The following PXK variants were observed in gnomAD, a reference collection of about 807,000 sequenced individuals.
PXK encodes PX domain-containing protein kinase-like protein.
In PXK, 35 loss-of-function variants were observed where a neutral mutation model predicts 84.7. The observed-to-expected ratio is 0.41, with a 90% confidence interval of 0.32 to 0.55. The LOEUF is 0.55. Among genes scored for constraint, PXK ranks in the 20% least tolerant of loss-of-function variants. PXK has a pLI of 0.21. For synonymous variants in PXK, 253 were observed against 260.8 expected (o/e 0.97, Z 0.29); for missense variants, 634 against 699.7 (o/e 0.91, Z 1.06).
chr3:58,336,061 ATATATATATATTTTTT>A (rs2097590848), intron 1 of PXK, among the ~76,000 whole-genome samples: 2 of 57,892 alleles, frequency 3.5e-5, no homozygotes, highest in African/African-American at 2.1e-4. Context: ...ATATATATAT[ATATATATATATTTTTT>A]TTTTTTTTTT....
intron 17 of PXK, among the ~76,000 whole-genome samples, chr3:58,418,501 G>A (rs1198538706): frequency 5.3e-5 from 8 of 152,196 alleles, no homozygotes; most frequent in African/African-American, 1.9e-4. Flanking sequence ...CTTAAATACT[G>A]TTGTTGGCTG....
intron 1 of PXK, among the ~76,000 whole-genome samples, chr3:58,360,617 AG>A (rs1344191377): frequency 1.3e-5 from 2 of 152,096 alleles, no homozygotes; most frequent in Non-Finnish European, 2.9e-5. Flanking sequence ...AGATCACTTG[AG>A]TCCAGGAGTT....
Position 58,421,676 on chromosome 3 carries a change from A to T in PXK, c.1529-3076A>T, listed in dbSNP as rs1046261986. On this transcript the variant is annotated intron_variant, in intron 17 of 17. Coordinates refer to ENST00000356151, the MANE Select transcript of PXK (RefSeq NM_017771.5). The surrounding 1 kb of genome is among the most constrained non-coding windows in gnomAD (Gnocchi z 5.5). Reference sequence around the variant, plus strand: ...TGGCATTCCTCCCTAGATCTGACCTACGCTCTCCCTGCAGCATTCTCTGCC... The same window carrying T: ...TGGCATTCCTCCCTAGATCTGACCTTCGCTCTCCCTGCAGCATTCTCTGCC... The T allele has an allele frequency of 1.0e-6, 1 of 988,044 alleles. No homozygotes were observed. Among genetic ancestry groups the T allele is most frequent in the African/African-American group, 1.7e-5 (1 of 57,280 alleles). The allele number at this position is 988,044 out of a possible 1,614,324, so 61.2% of individuals were successfully genotyped here.
intron 13 of PXK, among the ~76,000 whole-genome samples, chr3:58,405,840 A>C (rs2059316704): frequency 6.6e-6 from 1 of 152,222 alleles, no homozygotes; most frequent in African/African-American, 2.4e-5. Context: ...ATGTCTCCCA[A>C]CAGGGAAAGC....
At chr3:58,378,025 G>A (rs531594960) in intron 3 of PXK, among the ~76,000 whole-genome samples, 9 of 152,278 alleles carry the variant, frequency 5.9e-5, no homozygotes, top group Admixed American at 1.3e-4. Context: ...TCCCATGTCC[G>A]TACAACTTAT....
chr3:58,410,220 GT>G, intron 16 of PXK, 61 bp downstream of exon 16: 2 of 1,331,112 alleles, frequency 1.5e-6, no homozygotes, highest in Non-Finnish European at 2.2e-6. Context: ...GGAGTCTCTA[GT>G]TGGTCAAGAG....
chr3:58,423,315 A>C, intron 17 of PXK: 3 of 1,444,066 alleles, frequency 2.1e-6, no homozygotes, highest in Non-Finnish European at 2.7e-6. Context: ...AAAACATAAC[A>C]ATTTCATTCA....
Position 58,332,920 on chromosome 3 carries a change from G to C in PXK, c.-69G>C. 2.9e-6 allele frequency: 3 copies of C among 1,024,422 alleles called. No homozygotes were observed. Among genetic ancestry groups the C allele is most frequent in the Non-Finnish European group, 3.8e-6 (3 of 797,442 alleles). The allele number at this position is 1,024,422 out of a possible 1,614,324, so 63.5% of individuals were successfully genotyped here. Reference sequence around the variant, plus strand: ...GACAGCGGCGGCGGTGGAACCGGGCGGGCGGCGGGAGTCGGCGCCTCGGGT... The same window carrying C: ...GACAGCGGCGGCGGTGGAACCGGGCCGGCGGCGGGAGTCGGCGCCTCGGGT... On this transcript the variant is annotated 5_prime_UTR_variant, in exon 1 of 18. Coordinates refer to ENST00000356151, the MANE Select transcript of PXK (RefSeq NM_017771.5). The surrounding 1 kb of genome is among the most constrained non-coding windows in gnomAD (Gnocchi z 5.6).
Position 58,409,611 on chromosome 3 carries a change from C to T in PXK, c.1388C>T (p.Ala463Val), listed in dbSNP as rs1265303140. The T allele has an allele frequency of 3.1e-6, 5 of 1,611,254 alleles. No individual in the cohort carries two copies. In the East Asian group the frequency reaches 6.7e-5, roughly 22 times the overall value. The change falls in exon 15 of 18, where the codon GCT (alanine) becomes GTT (valine). Residue 463 changes from alanine to valine, a missense_variant. Around this residue, in one of 3 missense-constraint regions of PXK, gnomAD observed 273 missense variants for 283.6 expected, o/e 0.96. Coordinates refer to ENST00000356151, the MANE Select transcript of PXK (RefSeq NM_017771.5). This position sits in a 1 kb window ranked among gnomAD's most constrained non-coding sequence, Gnocchi z 4.2. ...GAAAGAAAAAAAAGAAAGATTTTAG[C>T]TCGAAAGGTAAGCCTGCTGTCTCTC... is the stretch of plus-strand genomic sequence containing the variant. ...EEERKKRKIL[A>V]RKKSKRSALE...
In PXK at chr3:58,380,769, A is replaced by G. The variant is rs2098491384; in HGVS notation, c.202-1745A>G. Among the ~76,000 whole-genome samples the G allele has an allele frequency of 5.3e-5, 8 of 152,040 alleles. No homozygotes were observed. The South Asian group carries it at 1.7e-3, about 32-fold the overall frequency. On this transcript the variant is annotated intron_variant, in intron 3 of 17. Transcript: ENST00000356151. ...AGTTTGCTGCACTCCAGCCTGGGTG[A>G]CAGAGGGAGACTCTGTCTCAAAGTA...
chr3:58,417,616 A>C (rs1051591655), intron 17 of PXK, among the ~76,000 whole-genome samples: 9 of 152,164 alleles, frequency 5.9e-5, no homozygotes, highest in Non-Finnish European at 1.2e-4. Flanking sequence ...CTGTTTTTTC[A>C]GTAAGAACAT....
chr3:58,345,847 C>T (rs576448187), intron 1 of PXK, among the ~76,000 whole-genome samples: 4 of 152,282 alleles, frequency 2.6e-5, no homozygotes, highest in South Asian at 4.1e-4. Context: ...TAGCCTTTAA[C>T]GTATATATCC....
At chr3:58,336,592 G>A (rs532089866) in intron 1 of PXK, among the ~76,000 whole-genome samples, 1 of 152,304 alleles carries the variant, frequency 6.6e-6, no homozygotes, top group Admixed American at 6.5e-5. Context: ...CAGGTGAGTT[G>A]TGAGAAAATT....
chr3:58,372,115 A>T (rs540465570), intron 3 of PXK, among the ~76,000 whole-genome samples: 101 of 152,340 alleles, frequency 6.6e-4, no homozygotes, highest in African/African-American at 2.3e-3. Context: ...AAAATTATAT[A>T]TGCCATATAA....
chr3:58,422,757 G>T (rs2062104717), intron 17 of PXK: 1 of 985,186 alleles, frequency 1.0e-6, no homozygotes. Flanking sequence ...CAGCCCTGAG[G>T]CCCGTCTCCA....
rs2058450720 is a variant in PXK, at chr3:58,400,838, C to A, written c.1181+1461C>A. 6.6e-6 allele frequency among the ~76,000 whole-genome samples: 1 copy of A among 152,258 alleles called. No individual in the cohort carries two copies. Among genetic ancestry groups the A allele is most frequent in the Non-Finnish European group, 1.5e-5 (1 of 68,026 alleles). On this transcript the variant is annotated intron_variant, in intron 12 of 17. Coordinates refer to ENST00000356151, the MANE Select transcript of PXK (RefSeq NM_017771.5). The surrounding 1 kb of genome is among the most constrained non-coding windows in gnomAD (Gnocchi z 4.0). ...GGCTGAGGCAGAAGAATCACTTGAA[C>A]TGGGGAGGCAGAGGTTGCAGTGAGC...
At chr3:58,371,809 C>G (rs1427869736) in intron 3 of PXK, among the ~76,000 whole-genome samples, 2 of 152,094 alleles carry the variant, frequency 1.3e-5, no homozygotes, top group Non-Finnish European at 2.9e-5. Context: ...TTATGTTGGG[C>G]AGAATATGGT....
At chr3:58,374,273 C>T (rs1010375066) in intron 3 of PXK, among the ~76,000 whole-genome samples, 1 of 151,088 alleles carries the variant, frequency 6.6e-6, no homozygotes, top group Non-Finnish European at 1.5e-5. Context: ...CGGGTTCAAG[C>T]GATTATCCTG....
chr3:58,336,062 TATATATA>T (rs1441840979), intron 1 of PXK, among the ~76,000 whole-genome samples: 4 of 58,118 alleles, frequency 6.9e-5, no homozygotes, highest in African/African-American at 1.2e-4. Context: ...TATATATATA[TATATATA>T]TATTTTTTTT....
Sources: allele counts gnomAD v4.1 joint callset (sites outside exome capture counted in the v4.1 genomes callset), GRCh38; gene constraint gnomAD v4.1.1; regional missense constraint gnomAD v4.1.1; non-coding constraint Gnocchi (gnomAD v3.1); transcripts MANE v1.5; gene names NCBI Gene and HGNC (gene_info 2026-07-23, HGNC 2026-07-21).